The following BCL2 variants were observed in gnomAD, a reference collection of about 807,000 sequenced individuals.
The protein encoded by BCL2 is apoptosis regulator Bcl-2.
In BCL2, 1 loss-of-function variant was observed where a neutral mutation model predicts 14.2. The observed-to-expected ratio is 0.07, with a 90% CI of 0.02 to 0.33. The LOEUF (loss-of-function observed/expected upper bound fraction) is 0.33, where lower values mean the gene tolerates loss of function less well. Among genes scored for constraint, BCL2 ranks in the 10% least tolerant of loss-of-function variants. The pLI is 0.99. For synonymous variants in BCL2, 151 were observed against 137.2 expected (o/e 1.10, Z -0.70); for missense variants, 247 against 305.9 (o/e 0.81, Z 1.44).
chr18:63,293,279 C>A (rs1166391958), intron 2 of BCL2, among the ~76,000 whole-genome samples: 1 of 152,200 alleles, frequency 6.6e-6, no homozygotes, highest in Non-Finnish European at 1.5e-5. Flanking sequence ...CATCTTAAAC[C>A]AAAACATATT....
intron 2 of BCL2, among the ~76,000 whole-genome samples, chr18:63,135,221 C>G (rs1914179277): frequency 6.6e-6 from 1 of 152,166 alleles, no homozygotes; most frequent in Non-Finnish European, 1.5e-5. Context: ...GCAGCTGGTT[C>G]TTCTCTCTAC....
chr18:63,198,325 C>G (rs1004418786), intron 2 of BCL2, among the ~76,000 whole-genome samples: 6 of 147,180 alleles, frequency 4.1e-5, no homozygotes, highest in African/African-American at 1.5e-4. Context: ...GACACAGACA[C>G]AGAGACACAC....
At chr18:63,300,187 G>A (rs1218688284) in intron 2 of BCL2, among the ~76,000 whole-genome samples, 1 of 152,146 alleles carries the variant, frequency 6.6e-6, no homozygotes, top group Non-Finnish European at 1.5e-5. Flanking sequence ...GAATAATTTA[G>A]ATGCAGTAAG....
intron 2 of BCL2, among the ~76,000 whole-genome samples, chr18:63,177,866 T>C (rs4987801): frequency 0.032 from 4,933 of 152,220 alleles, 106 homozygotes; most frequent in Non-Finnish European, 0.051. Context: ...CTCCCTGTGG[T>C]GGACTCTCCG....
In BCL2 at chr18:63,159,929, T is replaced by G. The variant is rs917647267; in HGVS notation, c.586-31170A>C. Among the ~76,000 whole-genome samples the G allele has an allele frequency of 2.0e-5, 3 of 152,350 alleles. No individual in the cohort carries two copies. In the East Asian group the frequency reaches 5.8e-4, roughly 29 times the overall value. ...TTTCAGCGGGGTCATTTACATCGTG[T>G]CCACTTTTTCTGGTTTCCAAACTCA... On this transcript the variant is annotated intron_variant, in intron 2 of 2. Transcript: ENST00000333681.
chr18:63,274,856 A>C (rs1354368098), intron 2 of BCL2, among the ~76,000 whole-genome samples: 1 of 152,180 alleles, frequency 6.6e-6, no homozygotes, highest in Non-Finnish European at 1.5e-5. Context: ...TATAAATAAA[A>C]GCTTAATTTT....
intron 2 of BCL2, among the ~76,000 whole-genome samples, chr18:63,131,487 G>A (rs1463123140): frequency 6.6e-6 from 1 of 152,172 alleles, no homozygotes; most frequent in Non-Finnish European, 1.5e-5. Flanking sequence ...GGGATCAGTG[G>A]GGCAGGAAGG....
intron 2 of BCL2, among the ~76,000 whole-genome samples, chr18:63,169,248 TTTTC>T (rs145779306): frequency 0.043 from 4,684 of 108,000 alleles, 243 homozygotes; most frequent in Non-Finnish European, 0.053. Context: ...CCCTTCGTGT[TTTTC>T]TTTCTTTCTT....
chr18:63,291,665 T>C (rs1328446551), intron 2 of BCL2, among the ~76,000 whole-genome samples: 1 of 151,792 alleles, frequency 6.6e-6, no homozygotes, highest in African/African-American at 2.4e-5. Context: ...AGTTACTTAG[T>C]TTAGTTGGAA....
intron 2 of BCL2, among the ~76,000 whole-genome samples, chr18:63,276,000 C>A (rs1384305427): frequency 6.6e-6 from 1 of 152,216 alleles, no homozygotes; most frequent in Non-Finnish European, 1.5e-5. Flanking sequence ...CAGGTGACAG[C>A]CAACACCTGT....
At chr18:63,301,852 G>C (rs1340897188) in intron 2 of BCL2, among the ~76,000 whole-genome samples, 1 of 152,066 alleles carries the variant, frequency 6.6e-6, no homozygotes, top group Non-Finnish European at 1.5e-5. Flanking sequence ...AGAACTAAGA[G>C]GTCACATGTA....
intron 2 of BCL2, among the ~76,000 whole-genome samples, chr18:63,247,012 T>G (rs1337048254): frequency 6.6e-6 from 1 of 152,164 alleles, no homozygotes; most frequent in African/African-American, 2.4e-5. Flanking sequence ...TTGAGTGATG[T>G]CTTCAACACT....
intron 2 of BCL2, among the ~76,000 whole-genome samples, chr18:63,285,641 C>T (rs115921768): frequency 8.7e-4 from 132 of 152,134 alleles, no homozygotes; most frequent in African/African-American, 2.5e-3. Context: ...CCATGTGGTA[C>T]GGTTCTTACA....
At position 63,125,923 on chromosome 18, in the gene BCL2, C is replaced by T. The variant is rs1599194717; in HGVS notation, c.*2702G>A. The T allele has an allele frequency of 4.8e-6, 1 of 210,416 alleles. No homozygotes were observed. The highest frequency in any genetic ancestry group is 7.1e-5 in the East Asian group (1 of 14,126). The allele number at this position is 210,416 out of a possible 1,614,324, so 13.0% of individuals were successfully genotyped here. ...CCCCCGTGACCTCTTAATATATATA[C>T]ATTTTTCAAATACTCTGTGAATCCC... On this transcript the variant is annotated 3_prime_UTR_variant, in exon 3 of 3. Coordinates refer to ENST00000333681, the MANE Select transcript of BCL2 (RefSeq NM_000633.3).
intron 2 of BCL2, among the ~76,000 whole-genome samples, chr18:63,172,928 G>C (rs1461755420): frequency 6.6e-6 from 1 of 152,188 alleles, no homozygotes; most frequent in Non-Finnish European, 1.5e-5. Context: ...TCCTCCTTTA[G>C]GTCAGCTTTG....
At chr18:63,233,068 C>T (rs1180447312) in intron 2 of BCL2, among the ~76,000 whole-genome samples, 1 of 152,156 alleles carries the variant, frequency 6.6e-6, no homozygotes, top group African/African-American at 2.4e-5. Context: ...AGGACCTTCC[C>T]ACTGTGCCCT....
intron 2 of BCL2, among the ~76,000 whole-genome samples, chr18:63,311,876 G>A (rs1398982445): frequency 9.9e-5 from 15 of 152,174 alleles, no homozygotes; most frequent in Admixed American, 8.5e-4. Flanking sequence ...TTAAAAGGGC[G>A]TTTGGGGAAG....
At chr18:63,283,078 A>G (rs1182188699) in intron 2 of BCL2, among the ~76,000 whole-genome samples, 1 of 152,116 alleles carries the variant, frequency 6.6e-6, no homozygotes, top group Non-Finnish European at 1.5e-5. Flanking sequence ...ATTTAATTTC[A>G]TTTTGCAATT....
intron 2 of BCL2, among the ~76,000 whole-genome samples, chr18:63,221,567 C>T (rs1041711558): frequency 4.6e-5 from 7 of 152,294 alleles, no homozygotes; most frequent in South Asian, 2.1e-4. Context: ...CAAATGCTCC[C>T]GAAGCCCTGG....
Sources: gnomAD v4.1 joint callset for allele counts (sites outside exome capture counted in the v4.1 genomes callset) on GRCh38, gnomAD v4.1.1 for gene constraint, MANE v1.5 for transcripts, NCBI Gene and HGNC (gene_info 2026-07-23, HGNC 2026-07-21) for gene names.